Variants in SHTN1 observed in about 807,000 individuals in gnomAD.
The protein encoded by SHTN1 is shootin-1.
SHTN1 carries 42 observed loss-of-function variants against 83.1 expected under a neutral mutation model. That is an observed-to-expected ratio of 0.51 (90% CI 0.39 to 0.65). The LOEUF (loss-of-function observed/expected upper bound fraction) is 0.65. Ranked by LOEUF, SHTN1 falls within the 30% of genes least tolerant of loss-of-function variation. The pLI is 0.00. For synonymous variants in SHTN1, 224 were observed against 247.7 expected, an observed-to-expected ratio of 0.90 and a Z score of 0.90; for missense variants, 622 against 737.8, an observed-to-expected ratio of 0.84 and a Z score of 1.82.
In SHTN1 at chr10:117,078,217, A is replaced by C. The variant is rs1429295039; in HGVS notation, c.-188-29707T>G. 9.2e-5 allele frequency among the ~76,000 whole-genome samples: 14 copies of C among 152,200 alleles called. No homozygotes were observed. In the East Asian group the frequency reaches 2.5e-3, roughly 27 times the overall value. On this transcript the variant is annotated intron_variant, in intron 1 of 17. Transcript: ENST00000392901. ...TTTGAAGAACTATAAGAGAAGGTGA[A>C]ACATGGCTCTACCGGTATGACTCTG...
chr10:116,925,051 C>T (rs1015310679), intron 11 of SHTN1, among the ~76,000 whole-genome samples: 1 of 152,152 alleles, frequency 6.6e-6, no homozygotes, highest in East Asian at 1.9e-4. Flanking sequence ...CCACTGCGCC[C>T]GGCCTTCACC....
chr10:117,007,900 C>T (rs1003092685), upstream of SHTN1, among the ~76,000 whole-genome samples: 10 of 151,444 alleles, frequency 6.6e-5, no homozygotes, highest in Non-Finnish European at 1.5e-4. Flanking sequence ...CCCAGCTACT[C>T]GGGAGGCTGA....
At chr10:116,960,045 G>A in intron 4 of SHTN1, 91 bp downstream of exon 4, 1 of 721,928 alleles carries the variant, frequency 1.4e-6, no homozygotes, top group Non-Finnish European at 2.4e-6. Context: ...GATTAGAGAA[G>A]TAGAAAAGCA....
chr10:117,056,962 T>C (rs192787806), intron 1 of SHTN1, among the ~76,000 whole-genome samples: 20 of 152,204 alleles, frequency 1.3e-4, no homozygotes, highest in Admixed American at 1.2e-3. Flanking sequence ...TGGAACAAAA[T>C]AAAGATGTTC....
chr10:116,974,582 C>T (rs1294407286), intron 2 of SHTN1, among the ~76,000 whole-genome samples: 1 of 152,160 alleles, frequency 6.6e-6, no homozygotes, highest in East Asian at 1.9e-4. Flanking sequence ...GGCAAGCTGA[C>T]AGAACCGCCT....
At chr10:116,982,348 A>C (rs1851055406) in intron 1 of SHTN1, among the ~76,000 whole-genome samples, 1 of 152,180 alleles carries the variant, frequency 6.6e-6, no homozygotes, top group Non-Finnish European at 1.5e-5. Context: ...AAGGAAAGGG[A>C]AAGTATGAGA....
intron 1 of SHTN1, among the ~76,000 whole-genome samples, chr10:117,112,466 G>A (rs1279451198): frequency 6.6e-6 from 1 of 152,180 alleles, no homozygotes; most frequent in African/African-American, 2.4e-5. Flanking sequence ...CATGATACTG[G>A]AATGTTATTA....
intron 5 of SHTN1, among the ~76,000 whole-genome samples, chr10:116,952,740 C>G (rs1233958251): frequency 6.6e-6 from 1 of 152,132 alleles, no homozygotes; most frequent in Non-Finnish European, 1.5e-5. Context: ...CATATTCTGG[C>G]CTACTGTTTT....
intron 2 of SHTN1, among the ~76,000 whole-genome samples, chr10:117,021,431 T>C (rs1852262137): frequency 6.6e-6 from 1 of 152,166 alleles, no homozygotes; most frequent in Admixed American, 6.5e-5. Context: ...CAACACCATG[T>C]TGATAATGGT....
chr10:117,005,490 G>C, upstream of SHTN1: 2 of 1,022,446 alleles, frequency 2.0e-6, no homozygotes, highest in South Asian at 7.7e-5. Context: ...AAAACCGGCT[G>C]TGGGTTCGCA....
At chr10:117,102,015 A>G (rs929359845) in intron 1 of SHTN1, among the ~76,000 whole-genome samples, 19 of 151,916 alleles carry the variant, frequency 1.3e-4, no homozygotes, top group Middle Eastern at 3.4e-3. Context: ...AGAAAAAAAA[A>G]AAGAAGAAGA....
chr10:116,965,207 AC>A (rs1850345252), intron 3 of SHTN1, among the ~76,000 whole-genome samples: 1 of 152,094 alleles, frequency 6.6e-6, no homozygotes, highest in African/African-American at 2.4e-5. Flanking sequence ...GCTTTTCCTA[AC>A]CCTTAGTCAG....
At chr10:116,954,725 C>A (rs1849912561) in intron 4 of SHTN1, among the ~76,000 whole-genome samples, 1 of 152,106 alleles carries the variant, frequency 6.6e-6, no homozygotes, top group African/African-American at 2.4e-5. Flanking sequence ...AACACATGAC[C>A]CAAGTGTGAC....
At chr10:117,060,608 T>C (rs1852884803) in intron 1 of SHTN1, among the ~76,000 whole-genome samples, 1 of 152,352 alleles carries the variant, frequency 6.6e-6, no homozygotes, top group African/African-American at 2.4e-5. Context: ...TTTACCTATA[T>C]AGAAGCTGTC....
chr10:117,121,969 T>C (rs1853935097), intron 1 of SHTN1, among the ~76,000 whole-genome samples: 2 of 151,992 alleles, frequency 1.3e-5, no homozygotes, highest in South Asian at 4.2e-4. Flanking sequence ...GGGGAGAAGC[T>C]TGCAATGAGC....
intron 1 of SHTN1, among the ~76,000 whole-genome samples, chr10:117,068,870 T>C (rs1285772688): frequency 2.0e-5 from 3 of 152,116 alleles, no homozygotes; most frequent in African/African-American, 7.2e-5. Flanking sequence ...TACACAGACA[T>C]TAATTAAACC....
intron 1 of SHTN1, among the ~76,000 whole-genome samples, chr10:117,120,875 T>C (rs1037394397): frequency 7.9e-5 from 12 of 151,430 alleles, no homozygotes; most frequent in African/African-American, 2.9e-4. Flanking sequence ...AGTGGCACGA[T>C]CTCAGCTCAC....
intron 16 of SHTN1, among the ~76,000 whole-genome samples, chr10:116,895,163 A>G (rs1179521804): frequency 6.6e-6 from 1 of 152,212 alleles, no homozygotes. Context: ...CCTTTGTATT[A>G]TCATATTATC....
chr10:117,100,949 G>A (rs1433450808), intron 1 of SHTN1, among the ~76,000 whole-genome samples: 1 of 152,194 alleles, frequency 6.6e-6, no homozygotes, highest in African/African-American at 2.4e-5. Flanking sequence ...TCAAGATGGA[G>A]TCACACCACA....
Sources: gnomAD v4.1 joint callset for allele counts (sites outside exome capture counted in the v4.1 genomes callset) on GRCh38, gnomAD v4.1.1 for gene constraint, MANE v1.5 for transcripts, NCBI Gene and HGNC (gene_info 2026-07-23, HGNC 2026-07-21) for gene names.